The following WNT2 variants were observed in gnomAD, a reference collection of about 807,000 sequenced individuals.
The protein encoded by WNT2 is protein Wnt-2.
In WNT2, 12 loss-of-function variants were observed where a neutral mutation model predicts 36.9. The ratio of observed to expected loss-of-function variants is 0.33; its 90% CI spans 0.21 to 0.53. The LOEUF (loss-of-function observed/expected upper bound fraction) is 0.53, where lower values mean the gene tolerates loss of function less well. Ranked by LOEUF, WNT2 falls within the 20% of genes least tolerant of loss-of-function variation. The pLI is 0.95. For synonymous variants in WNT2, 163 were observed against 174.6 expected (o/e 0.93, Z 0.52); for missense variants, 379 against 473.1 (o/e 0.80, Z 1.84).
chr7:117,321,073 G>C (rs1179666447), intron 1 of WNT2, among the ~76,000 whole-genome samples: 3 of 152,162 alleles, frequency 2.0e-5, no homozygotes, highest in Non-Finnish European at 4.4e-5. Flanking sequence ...CTGGGCAGGG[G>C]CACAGAGGCA....
At chr7:117,307,721 T>C (rs1337593132) in intron 3 of WNT2, among the ~76,000 whole-genome samples, 1 of 152,232 alleles carries the variant, frequency 6.6e-6, no homozygotes, top group Non-Finnish European at 1.5e-5. Flanking sequence ...ATGAGAATTT[T>C]TTTCTTGTAG....
rs1794342972 is a variant in WNT2, at chr7:117,275,461, G to A, written c.*2694C>T. Among the ~76,000 whole-genome samples the A allele has an allele frequency of 1.3e-5, 2 of 152,136 alleles. No individual in the cohort carries two copies. Among genetic ancestry groups the A allele is most frequent in the Admixed American group, 6.5e-5 (1 of 15,274 alleles). On this transcript the variant is annotated 3_prime_UTR_variant, in exon 5 of 5. Transcript: ENST00000265441. ...CCAGTGAACTAGTTTATGTCCTATT[G>A]TGGAAACTTTTTCAGATATTGTAGA...
At chr7:117,295,313 A>G (rs922244489) in intron 4 of WNT2, among the ~76,000 whole-genome samples, 1 of 152,226 alleles carries the variant, frequency 6.6e-6, no homozygotes, top group African/African-American at 2.4e-5. Flanking sequence ...GTGAGAGTCA[A>G]TGAGAGAATG....
chr7:117,292,293 T>TCACACACACACA (rs58179910), intron 4 of WNT2, among the ~76,000 whole-genome samples: 1 of 146,950 alleles, frequency 6.8e-6, no homozygotes, highest in East Asian at 2.0e-4. Flanking sequence ...CCAACCACAC[T>TCACACACACACA]CACACACACA....
intron 4 of WNT2, among the ~76,000 whole-genome samples, chr7:117,289,951 G>C (rs887602887): frequency 6.6e-6 from 1 of 152,142 alleles, no homozygotes; most frequent in African/African-American, 2.4e-5. Context: ...GGAATGACTC[G>C]CAGGTTTATG....
rs193174511 is a variant in WNT2, at chr7:117,285,613, C to T, written c.854-7229G>A. ...GTGTAGCTGGCTCTTAAAAATACTC[C>T]AGAAGAGACATTTTAAAAATAGTTT... is the stretch of plus-strand genomic sequence containing the variant. On this transcript the variant is annotated intron_variant, in intron 4 of 4. Transcript: ENST00000265441. 2.9e-3 allele frequency among the ~76,000 whole-genome samples: 437 copies of T among 152,250 alleles called. 5 individuals are homozygous for T. The highest frequency in any genetic ancestry group is 2.8e-3 in the Non-Finnish European group (192 of 68,008).
At chr7:117,290,035 G>C (rs971921630) in intron 4 of WNT2, among the ~76,000 whole-genome samples, 1 of 152,100 alleles carries the variant, frequency 6.6e-6, no homozygotes, top group African/African-American at 2.4e-5. Context: ...CAAGTTTCAG[G>C]GGACAGGGCA....
rs1794407170 is a variant in WNT2 at position 117,277,845 on chromosome 7, T to G, written c.*310A>C. ...GCTCTAGAAAGAAGAAACGTCAAGG[T>G]GGGTGGAGACAGTGGTCTGGGCCCA... On this transcript the variant is annotated 3_prime_UTR_variant, in exon 5 of 5. Coordinates refer to ENST00000265441, the MANE Select transcript of WNT2 (RefSeq NM_003391.3). The G allele has an allele frequency of 2.9e-6, 1 of 347,896 alleles. No individual in the cohort carries two copies. 21.6% of individuals were successfully genotyped at this position (347,896 alleles called of 1,614,324 possible).
At chr7:117,290,907 C>T (rs369736752) in intron 4 of WNT2, among the ~76,000 whole-genome samples, 3 of 152,344 alleles carry the variant, frequency 2.0e-5, no homozygotes, top group East Asian at 1.9e-4. Context: ...TTAAGGTGTA[C>T]AGGTTAGAAC....
chr7:117,310,638 T>G (rs1443748248), intron 3 of WNT2, among the ~76,000 whole-genome samples: 1 of 151,400 alleles, frequency 6.6e-6, no homozygotes, highest in Non-Finnish European at 1.5e-5. Context: ...GACTCAAATT[T>G]CAAATTTTCA....
rs1794374374 is a variant in WNT2 at position 117,276,183 on chromosome 7, TGA to T, written c.*1970_*1971del. Among the ~76,000 whole-genome samples the T allele has an allele frequency of 6.6e-6, 1 of 152,212 alleles. No individual in the cohort carries two copies. The highest frequency in any genetic ancestry group is 1.5e-5 in the Non-Finnish European group (1 of 68,036). On this transcript the variant is annotated 3_prime_UTR_variant, in exon 5 of 5. Coordinates refer to ENST00000265441, the MANE Select transcript of WNT2 (RefSeq NM_003391.3). ...TCAATTTCCCCAAACTAAAGGAAGCTGAGATGTCTCCTAAGATCCTTTCCAAT... is the reference window on the plus strand; with the variant it reads ...TCAATTTCCCCAAACTAAAGGAAGCTGATGTCTCCTAAGATCCTTTCCAAT...
chr7:117,275,643 T>A lies in WNT2; in HGVS notation c.*2512A>T, dbSNP rs1363191606. 6.6e-6 allele frequency among the ~76,000 whole-genome samples: 1 copy of A among 152,210 alleles called. No individual in the cohort carries two copies. Among genetic ancestry groups the A allele is most frequent in the Non-Finnish European group, 1.5e-5 (1 of 68,022 alleles). ...CCTCAGATAATTGAGAGTTTCAGTG[T>A]ATTTCAGGTTCCTGGAATACTGATC... On this transcript the variant is annotated 3_prime_UTR_variant, in exon 5 of 5. Coordinates refer to ENST00000265441, the MANE Select transcript of WNT2 (RefSeq NM_003391.3).
At chr7:117,303,108 G>A (rs1440377031) in intron 3 of WNT2, among the ~76,000 whole-genome samples, 1 of 152,110 alleles carries the variant, frequency 6.6e-6, no homozygotes, top group African/African-American at 2.4e-5. Flanking sequence ...TGGACGTGAG[G>A]CCTGGGCCTT....
In WNT2 at chr7:117,292,029, G is replaced by A. The variant is rs374190718; in HGVS notation, c.853+5583C>T. On this transcript the variant is annotated intron_variant, in intron 4 of 4. Coordinates refer to ENST00000265441, the MANE Select transcript of WNT2 (RefSeq NM_003391.3). ...CAAACTCAGGTGAGCCGCCCTCCTC[G>A]GCCTCCCAGAGTGCTGGGATTACAG... 2.8e-3 allele frequency among the ~76,000 whole-genome samples: 419 copies of A among 152,156 alleles called. 3 individuals carry two copies. Among genetic ancestry groups the A allele is most frequent in the African/African-American group, 9.5e-3 (393 of 41,508 alleles).
Position 117,323,003 on chromosome 7 carries a change from C to A in WNT2, c.-14G>T. The A allele has an allele frequency of 1.2e-6, 2 of 1,607,028 alleles. No homozygotes were observed. Among genetic ancestry groups the A allele is most frequent in the Non-Finnish European group, 1.7e-6 (2 of 1,176,932 alleles). On this transcript the variant is annotated 5_prime_UTR_variant, in exon 1 of 5. Coordinates refer to ENST00000265441, the MANE Select transcript of WNT2 (RefSeq NM_003391.3). ...AGGGGCGTTCATATTAACCCCCTTGCGTCTGCATCAGGTCAGACTCCGTGT... is the reference window on the plus strand; with the variant it reads ...AGGGGCGTTCATATTAACCCCCTTGAGTCTGCATCAGGTCAGACTCCGTGT...
chr7:117,288,782 T>C (rs2116337130), intron 4 of WNT2, among the ~76,000 whole-genome samples: 1 of 152,318 alleles, frequency 6.6e-6, no homozygotes, highest in South Asian at 2.1e-4. Context: ...CAATTCAAAT[T>C]AAGGCACATT....
chr7:117,320,392 A>T, intron 2 of WNT2, 175 bp downstream of exon 2: 1 of 650,678 alleles, frequency 1.5e-6, no homozygotes, highest in Non-Finnish European at 2.6e-6. Flanking sequence ...AAACCTCTAG[A>T]CATGTTCCTT....
At chr7:117,288,452 T>G (rs1794626673) in intron 4 of WNT2, among the ~76,000 whole-genome samples, 1 of 152,214 alleles carries the variant, frequency 6.6e-6, no homozygotes, top group African/African-American at 2.4e-5. Context: ...AATTTGCATA[T>G]CTTTAAAAAA....
chr7:117,317,633 TAGAA>T (rs542609354), intron 2 of WNT2, among the ~76,000 whole-genome samples: 63 of 152,348 alleles, frequency 4.1e-4, no homozygotes, highest in Non-Finnish European at 8.1e-4. Flanking sequence ...GGCCTTTTCT[TAGAA>T]AGATCCTTTT....
Sources: gnomAD v4.1 joint callset for allele counts (sites outside exome capture counted in the v4.1 genomes callset) on GRCh38, gnomAD v4.1.1 for gene constraint, MANE v1.5 for transcripts, NCBI Gene and HGNC (gene_info 2026-07-23, HGNC 2026-07-21) for gene names.